GRIA1: variants seen among roughly 807,000 people sequenced by gnomAD.
GRIA1 encodes the protein glutamate ionotropic receptor AMPA type subunit 1, also known as glutamate receptor 1.
Under a neutral mutation model 99.2 loss-of-function variants are expected in GRIA1, and 31 were observed. That is an observed-to-expected ratio of 0.31 (90% confidence interval 0.23 to 0.42). GRIA1 has a LOEUF of 0.42. Ranked by LOEUF, GRIA1 falls within the 10% of genes least tolerant of loss-of-function variation. The pLI, the probability that GRIA1 is intolerant of heterozygous loss-of-function variation, is 1.00. For synonymous variants in GRIA1, 438 were observed against 432.4 expected, an observed-to-expected ratio of 1.01 and a Z score of -0.16; for missense variants, 782 against 1,157.5, an observed-to-expected ratio of 0.68 and a Z score of 4.71.
intron 10 of GRIA1, among the ~76,000 whole-genome samples, chr5:153,703,504 G>A (rs34702193): frequency 0.081 from 12,280 of 152,244 alleles, 708 homozygotes; most frequent in Non-Finnish European, 0.12. Context: ...CAGCACTTTG[G>A]GAGGCTAAGG....
intron 11 of GRIA1, among the ~76,000 whole-genome samples, chr5:153,748,802 G>A (rs985735245): frequency 3.9e-5 from 6 of 152,156 alleles, no homozygotes; most frequent in Admixed American, 1.3e-4. Context: ...AGAAGAATGA[G>A]TCTTCTATTT....
At chr5:153,723,306 C>G (rs1454114176) in intron 11 of GRIA1, among the ~76,000 whole-genome samples, 1 of 152,200 alleles carries the variant, frequency 6.6e-6, no homozygotes, top group Non-Finnish European at 1.5e-5. Flanking sequence ...CAGCTCCCAG[C>G]GTGAGTGACA....
At chr5:153,724,026 C>T (rs375167151) in intron 11 of GRIA1, among the ~76,000 whole-genome samples, 4 of 152,134 alleles carry the variant, frequency 2.6e-5, no homozygotes, top group African/African-American at 7.2e-5. Context: ...CTCACACGGC[C>T]GGGTACTCCT....
intron 11 of GRIA1, among the ~76,000 whole-genome samples, chr5:153,717,195 A>G (rs555617391): frequency 6.4e-4 from 98 of 152,296 alleles, no homozygotes; most frequent in African/African-American, 2.3e-3. Context: ...GGTTGCACAA[A>G]ACCCTTTGTT....
intron 11 of GRIA1, among the ~76,000 whole-genome samples, chr5:153,721,614 T>C (rs1760076415): frequency 1.3e-5 from 2 of 152,250 alleles, no homozygotes; most frequent in Admixed American, 6.5e-5. Flanking sequence ...AATAGAATTA[T>C]ATAGTATCTA....
intron 7 of GRIA1, among the ~76,000 whole-genome samples, chr5:153,684,762 T>A (rs947955767): frequency 2.0e-5 from 3 of 152,216 alleles, no homozygotes; most frequent in Non-Finnish European, 4.4e-5. Flanking sequence ...TGTAGTAGAA[T>A]CTGTACTTTG....
intron 11 of GRIA1, among the ~76,000 whole-genome samples, chr5:153,707,222 G>A (rs1264750288): frequency 6.6e-6 from 1 of 152,164 alleles, no homozygotes; most frequent in African/African-American, 2.4e-5. Context: ...CCCCCCACAT[G>A]GAATCAGAAT....
chr5:153,740,890 T>A (rs951361009), intron 11 of GRIA1, among the ~76,000 whole-genome samples: 1 of 151,060 alleles, frequency 6.6e-6, no homozygotes, highest in African/African-American at 2.4e-5. Context: ...CCAACCAGCC[T>A]GCCATAGATA....
intron 15 of GRIA1, among the ~76,000 whole-genome samples, chr5:153,809,002 T>A (rs1389674307): frequency 1.3e-5 from 2 of 152,206 alleles, no homozygotes; most frequent in South Asian, 2.1e-4. Context: ...ACAACTTCAA[T>A]GGAATATTAT....
At chr5:153,544,599 G>A (rs1759437577) in intron 2 of GRIA1, among the ~76,000 whole-genome samples, 1 of 152,274 alleles carries the variant, frequency 6.6e-6, no homozygotes, top group South Asian at 2.1e-4. Flanking sequence ...GCAAACACAG[G>A]AGAAGATAAA....
At chr5:153,614,210 A>G (rs1316721266) in intron 2 of GRIA1, among the ~76,000 whole-genome samples, 1 of 152,100 alleles carries the variant, frequency 6.6e-6, no homozygotes, top group African/African-American at 2.4e-5. Flanking sequence ...GTAATTTTGT[A>G]TTTACTTGGG....
intron 2 of GRIA1, among the ~76,000 whole-genome samples, chr5:153,575,809 A>T (rs17114831): frequency 0.016 from 2,441 of 152,328 alleles, 35 homozygotes; most frequent in Non-Finnish European, 0.023. Context: ...AACTGAGGTT[A>T]GAATTCTCCT....
intron 2 of GRIA1, among the ~76,000 whole-genome samples, chr5:153,556,343 C>G (rs542666143): frequency 6.6e-6 from 1 of 152,272 alleles, no homozygotes; most frequent in African/African-American, 2.4e-5. Context: ...GTCGCTCTTC[C>G]CTGCAGCCGA....
intron 2 of GRIA1, among the ~76,000 whole-genome samples, chr5:153,570,750 T>A (rs1226197516): frequency 6.6e-6 from 1 of 152,210 alleles, no homozygotes; most frequent in African/African-American, 2.4e-5. Context: ...GCCAAAATGA[T>A]GACTAAATGA....
In GRIA1 at chr5:153,801,675, A is replaced by G. The variant is rs183499187; in HGVS notation, c.2386-681A>G. ...CAGAAAAATGATATCAATTAAGCATAATTATTAAGATTTAATAGAGCCATT... is the reference window on the plus strand; with the variant it reads ...CAGAAAAATGATATCAATTAAGCATGATTATTAAGATTTAATAGAGCCATT... On this transcript the variant is annotated intron_variant, in intron 14 of 15. Coordinates refer to ENST00000285900, the MANE Select transcript of GRIA1 (RefSeq NM_000827.4). 6.6e-5 allele frequency among the ~76,000 whole-genome samples: 10 copies of G among 152,292 alleles called. No homozygotes were observed. The East Asian group carries it at 1.7e-3, about 26-fold the overall frequency.
intron 2 of GRIA1, among the ~76,000 whole-genome samples, chr5:153,498,304 T>C (rs760943809): frequency 3.9e-5 from 6 of 152,218 alleles, no homozygotes; most frequent in African/African-American, 1.4e-4. Flanking sequence ...CAAGCCCTGA[T>C]TGATAGCACT....
intron 2 of GRIA1, among the ~76,000 whole-genome samples, chr5:153,598,403 G>A (rs575763005): frequency 6.6e-6 from 1 of 152,172 alleles, no homozygotes; most frequent in South Asian, 2.1e-4. Flanking sequence ...AAAGAGACTA[G>A]CACCAAATTA....
Position 153,698,991 on chromosome 5 carries a change from A to T in GRIA1, c.1370A>T (p.Glu457Val), listed in dbSNP as rs1260807171. ...AKHVGYSYRL[E>V]IVSDGKYGAR... ...CACGTGGGCTACTCCTACCGTCTGG[A>T]GATTGTCAGTGATGGAAAATACGGA... The change falls in exon 10 of 16, where the codon GAG becomes GTG. Residue 457 changes from glutamate (E) to valine (V), a missense_variant. Physicochemically the swap from Glu to Val is moderately radical, Grantham distance 121 (BLOSUM62 -2). Transcript: ENST00000285900. 1.9e-6 allele frequency: 3 copies of T among 1,613,766 alleles called. No homozygotes were observed. In the South Asian group the frequency reaches 3.3e-5, roughly 18 times the overall value.
chr5:153,494,448 A>G (rs1754220242), intron 2 of GRIA1: 1 of 171,384 alleles, frequency 5.8e-6, no homozygotes, highest in South Asian at 1.7e-4. Flanking sequence ...AAAGTGCTTA[A>G]GGCATTTCCT....
Sources: gnomAD v4.1 joint callset for allele counts (sites outside exome capture counted in the v4.1 genomes callset) on GRCh38, gnomAD v4.1.1 for gene constraint, MANE v1.5 for transcripts, NCBI Gene and HGNC (gene_info 2026-07-23, HGNC 2026-07-21) for gene names.